The following SLC14A2 variants were observed in gnomAD, a reference collection of about 807,000 sequenced individuals.
The protein encoded by SLC14A2 is urea transporter 2.
In SLC14A2, 91 loss-of-function variants were observed where a neutral mutation model predicts 104.6. That is an observed-to-expected ratio of 0.87 (90% CI 0.73 to 1.04). The LOEUF (loss-of-function observed/expected upper bound fraction) is 1.04, where lower values mean the gene tolerates loss of function less well. Among genes scored for constraint, SLC14A2 ranks in the 50% least tolerant of loss-of-function variants. The pLI is 0.00. For synonymous variants in SLC14A2, 476 were observed against 466.4 expected, an observed-to-expected ratio of 1.02 and a Z score of -0.27; for missense variants, 1,189 against 1,156.0, an observed-to-expected ratio of 1.03 and a Z score of -0.41.
intron 5 of SLC14A2, among the ~76,000 whole-genome samples, chr18:45,632,785 C>A (rs1030305979): frequency 6.6e-6 from 1 of 152,230 alleles, no homozygotes; most frequent in African/African-American, 2.4e-5. Flanking sequence ...TCACACCATT[C>A]TCCTGCCTCA....
chr18:45,191,561 C>T, the SLC14A2 span, among the ~76,000 whole-genome samples: 1 of 152,200 alleles, frequency 6.6e-6, no homozygotes, highest in African/African-American at 2.4e-5. Context: ...AATGACATAT[C>T]TTGGTTCTCA....
chr18:45,269,948 A>G (rs1457631081), intron 1 of SLC14A2, among the ~76,000 whole-genome samples: 3 of 152,304 alleles, frequency 2.0e-5, no homozygotes, highest in East Asian at 1.9e-4. Flanking sequence ...TAACTTTTAT[A>G]TGAACATTTA....
intron 1 of SLC14A2, among the ~76,000 whole-genome samples, chr18:45,412,087 A>G (rs1212045442): frequency 1.3e-5 from 2 of 152,120 alleles, no homozygotes; most frequent in Admixed American, 1.3e-4. Context: ...GGAACCAAGT[A>G]TTTTGTTGTT....
At chr18:45,397,406 A>C (rs763082843) in intron 1 of SLC14A2, among the ~76,000 whole-genome samples, 2 of 152,152 alleles carry the variant, frequency 1.3e-5, no homozygotes, top group Non-Finnish European at 2.9e-5. Context: ...GCATTTGTCT[A>C]ATGCTCAGTG....
intron 10 of SLC14A2, chr18:45,647,611 C>T (rs1026508977): frequency 4.6e-5 from 7 of 152,168 alleles, no homozygotes; most frequent in African/African-American, 1.7e-4. Context: ...AAGCCATTTA[C>T]AGCTATTAAT....
chr18:45,500,576 C>CAAAA (rs34543837), intron 2 of SLC14A2, among the ~76,000 whole-genome samples: 3 of 93,848 alleles, frequency 3.2e-5, no homozygotes, highest in East Asian at 2.9e-4. Flanking sequence ...GACTCCGTCT[C>CAAAA]AAAAAAAAAA....
chr18:45,439,912 T>A (rs575724167), intron 1 of SLC14A2, among the ~76,000 whole-genome samples: 74 of 152,328 alleles, frequency 4.9e-4, no homozygotes, highest in African/African-American at 1.7e-3. Flanking sequence ...ATGCTTTTTT[T>A]CTCATAAGTA....
intron 5 of SLC14A2, among the ~76,000 whole-genome samples, chr18:45,633,842 T>G (rs1036756200): frequency 1.3e-5 from 2 of 152,240 alleles, no homozygotes; most frequent in Non-Finnish European, 2.9e-5. Flanking sequence ...ACATTAAGGA[T>G]TCTGGGCAAT....
rs369783737 is a variant in SLC14A2, at chr18:45,682,555, G to A, written c.*36G>A. 12 of 1,563,030 alleles carry A rather than the reference G, an allele frequency of 7.7e-6. No homozygotes were observed. Among genetic ancestry groups the A allele is most frequent in the Admixed American group, 1.7e-5 (1 of 59,972 alleles). ...CTAAAACACATCAGTGTAAATTCAG[G>A]CTTCAGCACGCCGTCCAGATCCCCA... On this transcript the variant is annotated 3_prime_UTR_variant, in exon 20 of 20. Transcript: ENST00000255226.
chr18:45,544,586 A>G (rs2043939992), intron 2 of SLC14A2, among the ~76,000 whole-genome samples: 1 of 152,144 alleles, frequency 6.6e-6, no homozygotes, highest in Admixed American at 6.5e-5. Context: ...GCCAAAGAAA[A>G]AAACAATTAA....
At chr18:45,656,694 A>G (rs1231274903) in intron 10 of SLC14A2, among the ~76,000 whole-genome samples, 2 of 152,152 alleles carry the variant, frequency 1.3e-5, no homozygotes, top group Non-Finnish European at 1.5e-5. Flanking sequence ...ACTCTCTTTA[A>G]CCTCATTTAT....
intron 1 of SLC14A2, among the ~76,000 whole-genome samples, chr18:45,424,868 G>A (rs1031805479): frequency 6.6e-6 from 1 of 152,138 alleles, no homozygotes; most frequent in Admixed American, 6.5e-5. Context: ...TACTTGTAAA[G>A]TATATTTAAA....
chr18:45,190,173 C>G, the SLC14A2 span, among the ~76,000 whole-genome samples: 6 of 152,164 alleles, frequency 3.9e-5, no homozygotes, highest in South Asian at 1.2e-3. Flanking sequence ...TACTTGGGAA[C>G]CGTTTGTTGA....
the SLC14A2 span, chr18:45,169,072 C>T: frequency 6.6e-6 from 1 of 152,084 alleles, no homozygotes. Context: ...CCATTGAAAG[C>T]AAGGATTTGA....
chr18:45,414,758 ATATATATATATATATATATAT>A lies in SLC14A2; in HGVS notation c.-124-68474_-124-68454del, dbSNP rs1234283072. Among the ~76,000 whole-genome samples, 15 of 50,098 alleles carry A rather than the reference ATATATATATATATATATATAT, an allele frequency of 3.0e-4. 1 individual carries two copies. Among genetic ancestry groups the A allele is most frequent in the African/African-American group, 1.1e-3 (14 of 13,136 alleles). The allele number at this position is 50,098 out of a possible 152,430, so 32.9% of individuals were successfully genotyped here. A position where few individuals can be genotyped will look rare whatever the true frequency, so the allele number is the denominator to read the frequency against. ...GGCACCGAGCGTAAAAAAAAAAAAAATATATATATATATATATATATATATATATATATATATAGAAAAGTA... is the reference window on the plus strand; with the variant it reads ...GGCACCGAGCGTAAAAAAAAAAAAAAATATATATATATATATAGAAAAGTA... On this transcript the variant is annotated intron_variant, in intron 1 of 20. Coordinates refer to the SLC14A2 transcript ENST00000586448.
rs142050645 is a variant in SLC14A2, at chr18:45,682,350, G to A, written c.2594G>A (p.Cys865Tyr). The change falls in exon 20 of 20, where the codon TGT becomes TAT. Residue 865 changes from cysteine to tyrosine, a missense_variant. By Grantham distance (194) the Cys-to-Tyr change is radical. Transcript: ENST00000255226. Reference sequence around the variant, plus strand: ...TTGCCGCCCTGCACTTGGCCCTTCTGTCTCTCAGCTCTCACCTTCCTGCTC... The same window carrying A: ...TTGCCGCCCTGCACTTGGCCCTTCTATCTCTCAGCTCTCACCTTCCTGCTC... Reference protein sequence around the residue: ...FGLPPCTWPFCLSALTFLLLT... With the variant: ...FGLPPCTWPFYLSALTFLLLT... The A allele has an allele frequency of 1.4e-5, 23 of 1,613,986 alleles. No individual in the cohort carries two copies. Among genetic ancestry groups the A allele is most frequent in the Non-Finnish European group, 1.9e-5 (23 of 1,180,016 alleles).
chr18:45,473,027 T>G (rs2087281613), intron 1 of SLC14A2, among the ~76,000 whole-genome samples: 1 of 152,212 alleles, frequency 6.6e-6, no homozygotes, highest in African/African-American at 2.4e-5. Flanking sequence ...ATTTAAGTCT[T>G]TAATCCATCT....
At chr18:45,550,040 C>A (rs1408425776) in intron 2 of SLC14A2, 5 of 151,130 alleles carry the variant, frequency 3.3e-5, no homozygotes, top group Non-Finnish European at 7.4e-5. Flanking sequence ...GAGGTGTCAA[C>A]TACATCAAGC....
In SLC14A2 at chr18:45,383,575, A is replaced by G. The variant is rs571550145; in HGVS notation, c.-124-99658A>G. 2.6e-5 allele frequency among the ~76,000 whole-genome samples: 4 copies of G among 152,278 alleles called. No individual in the cohort carries two copies. In the South Asian group the frequency reaches 6.2e-4, roughly 24 times the overall value. On this transcript the variant is annotated intron_variant, in intron 1 of 20. Transcript: ENST00000586448. ...AGCCCTCAACATTTTCATGTAGGCA[A>G]TATTTACATGTGTTAGGCTCTCCCC...
Sources: gnomAD v4.1 joint callset for allele counts (sites outside exome capture counted in the v4.1 genomes callset) on GRCh38, gnomAD v4.1.1 for gene constraint, MANE v1.5 for transcripts, NCBI Gene and HGNC (gene_info 2026-07-23, HGNC 2026-07-21) for gene names.